UBXN4: variants seen among roughly 807,000 people sequenced by gnomAD.
UBXN4 encodes UBX domain-containing protein 4.
Under a neutral mutation model 66.2 loss-of-function variants are expected in UBXN4, and 35 were observed. The observed-to-expected ratio is 0.53, with a 90% confidence interval of 0.40 to 0.70. The LOEUF (loss-of-function observed/expected upper bound fraction) is 0.70. UBXN4 is among the 30% of genes least tolerant of loss of function. UBXN4 has a pLI of 0.00. For synonymous variants in UBXN4, 203 were observed against 204.5 expected, an observed-to-expected ratio of 0.99 and a Z score of 0.06; for missense variants, 533 against 599.8, an observed-to-expected ratio of 0.89 and a Z score of 1.16.
intron 1 of UBXN4, chr2:135,748,038 T>C (rs1284058116): frequency 4.8e-6 from 2 of 414,846 alleles, no homozygotes; most frequent in Admixed American, 4.1e-5. Flanking sequence ...TTTTATGAAA[T>C]ATTTTGTATC....
At chr2:135,767,471 C>T (rs1225213489) in intron 6 of UBXN4, among the ~76,000 whole-genome samples, 1 of 152,174 alleles carries the variant, frequency 6.6e-6, no homozygotes, top group Non-Finnish European at 1.5e-5. Flanking sequence ...GAATCGAACA[C>T]TGTAGGTTAG....
chr2:135,766,126 G>C (rs6430586), intron 6 of UBXN4, among the ~76,000 whole-genome samples: 147,317 of 151,586 alleles, frequency 0.97, 71,704 homozygotes, highest in Non-Finnish European at 1. Context: ...GCACTCCAGC[G>C]TGGGCAATAA....
chr2:135,779,825 T>C (rs1039646472), intron 11 of UBXN4, among the ~76,000 whole-genome samples: 5 of 146,918 alleles, frequency 3.4e-5, no homozygotes, highest in African/African-American at 1.2e-4. Flanking sequence ...TATACAATAT[T>C]ATACAATTAT....
chr2:135,751,498 A>G (rs993055448), intron 2 of UBXN4, among the ~76,000 whole-genome samples: 2 of 151,310 alleles, frequency 1.3e-5, no homozygotes, highest in Admixed American at 6.6e-5. Context: ...TTAAAAACAA[A>G]TTTCTATTAG....
intron 1 of UBXN4, among the ~76,000 whole-genome samples, chr2:135,744,550 T>C (rs1269613019): frequency 6.6e-6 from 1 of 152,166 alleles, no homozygotes; most frequent in Non-Finnish European, 1.5e-5. Context: ...CCAAACTTTG[T>C]TAATGATAGA....
chr2:135,758,234 C>T (rs1355094933), intron 5 of UBXN4, among the ~76,000 whole-genome samples: 1 of 152,110 alleles, frequency 6.6e-6, no homozygotes, highest in Non-Finnish European at 1.5e-5. Flanking sequence ...GCCACCATGC[C>T]TGGCTAATTT....
At position 135,772,554 on chromosome 2, in the gene UBXN4, T is replaced by A. The variant is rs2077390098; in HGVS notation, c.950+7T>A. 6.2e-7 allele frequency: 1 copy of A among 1,612,974 alleles called. No individual in the cohort carries two copies. The highest frequency in any genetic ancestry group is 1.1e-5 in the South Asian group (1 of 91,064). ...CTTATGCAAGAGAAAGAAGGTACTA[T>A]ATTTCATGCTGAAACATCTCTGTGC... On this transcript the variant is annotated splice_region_variant and intron_variant, in intron 9 of 12. Transcript: ENST00000272638.
Position 135,779,069 on chromosome 2 carries a change from T to C in UBXN4, c.1175T>C (p.Val392Ala). ...GAACTTGCCCCAAGCGCTTCGGTGG[T>C]ACTGTTGCCAGTATGTATATACAGA... ...DLELAPSASV[V>A]LLPAGRPTAS... The change falls in exon 11 of 13, where the codon GTA (valine) becomes GCA (alanine). Residue 392 changes from valine to alanine, a missense_variant. Transcript: ENST00000272638. 6.2e-7 allele frequency: 1 copy of C among 1,612,586 alleles called. No homozygotes were observed. The highest frequency in any genetic ancestry group is 8.5e-7 in the Non-Finnish European group (1 of 1,179,536).
chr2:135,764,651 C>G (rs931281171), intron 6 of UBXN4, among the ~76,000 whole-genome samples: 1 of 151,804 alleles, frequency 6.6e-6, no homozygotes, highest in Admixed American at 6.6e-5. Context: ...TACAGGCATG[C>G]ACCACCACAC....
intron 9 of UBXN4, among the ~76,000 whole-genome samples, chr2:135,775,116 T>A (rs1000213057): frequency 6.6e-6 from 1 of 152,178 alleles, no homozygotes; most frequent in Non-Finnish European, 1.5e-5. Context: ...TCACACCCAC[T>A]AAGTATGCCT....
rs59946844 is a variant in UBXN4 at position 135,745,875 on chromosome 2, C to CTTTTTTTTTTTTT, written c.83-2383_83-2371dup. 3.3e-3 allele frequency among the ~76,000 whole-genome samples: 249 copies of CTTTTTTTTTTTTT among 74,398 alleles called. 61 individuals carry two copies. Among genetic ancestry groups the CTTTTTTTTTTTTT allele is most frequent in the Middle Eastern group, 0.018 (1 of 56 alleles). The allele number at this position is 74,398 out of a possible 152,430, so 48.8% of individuals were successfully genotyped here. ...TGTGGATGCATTCTAGTCCCGTTTA[C>CTTTTTTTTTTTTT]TTTTTTTTTTTTTTTTTTTTTGAGA... On this transcript the variant is annotated intron_variant, in intron 1 of 12. Transcript: ENST00000272638.
chr2:135,768,617 A>T (rs151192133), intron 6 of UBXN4, among the ~76,000 whole-genome samples: 184 of 142,606 alleles, frequency 1.3e-3, no homozygotes, highest in African/African-American at 4.6e-3. Context: ...AGGCTGGAGT[A>T]CGGTGACATG....
At position 135,781,844 on chromosome 2, in the gene UBXN4, G is replaced by A. The variant is rs1426549544; in HGVS notation, c.1389-905G>A. ...TCCCAGCTCTTTGGGAAGCTGAGGTGCAAGGATCACTTGAGGCCAGAAGTT... is the reference window on the plus strand; with the variant it reads ...TCCCAGCTCTTTGGGAAGCTGAGGTACAAGGATCACTTGAGGCCAGAAGTT... On this transcript the variant is annotated intron_variant, in intron 12 of 12. Coordinates refer to ENST00000272638, the MANE Select transcript of UBXN4 (RefSeq NM_014607.4). 4.6e-5 allele frequency among the ~76,000 whole-genome samples: 7 copies of A among 152,130 alleles called. No individual in the cohort carries two copies. The South Asian group carries it at 6.2e-4, about 14-fold the overall frequency.
chr2:135,764,550 TG>T (rs2077336131), intron 6 of UBXN4, among the ~76,000 whole-genome samples: 1 of 152,252 alleles, frequency 6.6e-6, no homozygotes, highest in Admixed American at 6.5e-5. Flanking sequence ...TTGCCCAGGC[TG>T]GAGTGCAGTG....
intron 8 of UBXN4, 80 bp from the exon 9 acceptor site, chr2:135,772,340 T>A (rs1238269394): frequency 8.0e-6 from 12 of 1,505,386 alleles, no homozygotes; most frequent in South Asian, 1.2e-5. Context: ...AAAAAAAAAA[T>A]TCCATGCATA....
intron 5 of UBXN4, among the ~76,000 whole-genome samples, chr2:135,757,937 G>T (rs1266962809): frequency 6.6e-6 from 1 of 152,026 alleles, no homozygotes; most frequent in Admixed American, 6.6e-5. Context: ...TGTCTGCAGG[G>T]TCTGGCTCTG....
rs1032608962 is a variant in UBXN4 at position 135,776,314 on chromosome 2, A to T, written c.1016A>T (p.Asp339Val). ...TCCTTTACAAATCAGTTCCCTTCTG[A>T]TGCTCCTCTAGAAGAGGCAAGGCAG... ...GSSFTNQFPS[D>V]APLEEARQFA... The change falls in exon 10 of 13, where the codon GAT (aspartate) becomes GTT (valine). Residue 339 changes from aspartate to valine, a missense_variant. Asp to Val is a radical substitution (Grantham distance 152). This residue lies in a region of UBXN4 where 529 missense variants were observed against 580.1 expected (regional missense o/e 0.91). Coordinates refer to ENST00000272638, the MANE Select transcript of UBXN4 (RefSeq NM_014607.4). The T allele has an allele frequency of 5.6e-6, 9 of 1,613,888 alleles. No individual in the cohort carries two copies. The highest frequency in any genetic ancestry group is 7.6e-6 in the Non-Finnish European group (9 of 1,179,966).
chr2:135,779,360 C>T (rs1214152372), intron 11 of UBXN4, among the ~76,000 whole-genome samples: 2 of 152,156 alleles, frequency 1.3e-5, no homozygotes, highest in African/African-American at 4.8e-5. Context: ...GTAAGAAATG[C>T]AGATTATCTG....
At chr2:135,766,753 G>T (rs1351719059) in intron 6 of UBXN4, among the ~76,000 whole-genome samples, 1 of 152,128 alleles carries the variant, frequency 6.6e-6, no homozygotes, top group Non-Finnish European at 1.5e-5. Context: ...TTAGGATGTT[G>T]TCTGTTGGGT....
Sources: gnomAD v4.1 joint callset for allele counts (sites outside exome capture counted in the v4.1 genomes callset) on GRCh38, gnomAD v4.1.1 for gene constraint, gnomAD v4.1.1 regional missense constraint, MANE v1.5 for transcripts, NCBI Gene and HGNC (gene_info 2026-07-23, HGNC 2026-07-21) for gene names.